Variants in EPAS1 observed in about 807,000 individuals in gnomAD.
EPAS1 encodes the protein endothelial PAS domain-containing protein 1.
A neutral mutation model predicts 87.9 loss-of-function variants in EPAS1; 23 were observed. The observed-to-expected ratio is 0.26, with a 90% CI of 0.19 to 0.37. The LOEUF (loss-of-function observed/expected upper bound fraction) is 0.37, where lower values mean the gene tolerates loss of function less well. Ranked by LOEUF, EPAS1 falls within the 10% of genes least tolerant of loss-of-function variation. EPAS1 has a pLI of 1.00. For synonymous variants in EPAS1, 508 were observed against 444.3 expected (o/e 1.14, Z -1.80); for missense variants, 1,138 against 1,120.7 (o/e 1.02, Z -0.22).
intron 11 of EPAS1, chr2:46,379,696 G>GTCCAATAGA (rs1684841730): frequency 5.0e-5 from 9 of 180,208 alleles, no homozygotes; most frequent in Admixed American, 1.1e-4. Context: ...AGTATCTGCT[G>GTCCAATAGA]ATTGGAACCA....
At position 46,347,272 on chromosome 2, in the gene EPAS1, AG is replaced by A. The variant is rs1684050630; in HGVS notation, c.217+212del. Reference sequence around the variant, plus strand: ...TTACCGTGAATCCAGCTGTGAGAGGAGGGCAGGGACAGGACCAGGGAAGAAC... The same window carrying A: ...TTACCGTGAATCCAGCTGTGAGAGGAGGCAGGGACAGGACCAGGGAAGAAC... On this transcript the variant is annotated intron_variant, in intron 2 of 15. Coordinates refer to ENST00000263734, the MANE Select transcript of EPAS1 (RefSeq NM_001430.5). This position sits in a 1 kb window ranked among gnomAD's most constrained non-coding sequence, Gnocchi z 4.2. The A allele has an allele frequency of 1.5e-6, 1 of 649,794 alleles. No homozygotes were observed. Among genetic ancestry groups the A allele is most frequent in the South Asian group, 1.8e-5 (1 of 55,756 alleles). The allele number at this position is 649,794 out of a possible 1,614,324, so 40.3% of individuals were successfully genotyped here. A position where few individuals can be genotyped will look rare whatever the true frequency, so the allele number is the denominator to read the frequency against.
Position 46,375,864 on chromosome 2 carries a change from T to C in EPAS1, c.1034+27T>C, listed in dbSNP as rs776966292. The C allele has an allele frequency of 3.0e-5, 48 of 1,613,812 alleles. No individual in the cohort carries two copies. The highest frequency in any genetic ancestry group is 3.4e-5 in the Non-Finnish European group (40 of 1,179,998). On this transcript the variant is annotated intron_variant, in intron 8 of 15. Transcript: ENST00000263734. This position sits in a 1 kb window ranked among gnomAD's most constrained non-coding sequence, Gnocchi z 4.1. ...TAAGCATGTGAGGGCTGGCGGGCCTTGGTGCAGGGTATGTGGGGGTGCCCA... is the reference window on the plus strand; with the variant it reads ...TAAGCATGTGAGGGCTGGCGGGCCTCGGTGCAGGGTATGTGGGGGTGCCCA...
rs115829661 is a variant in EPAS1 at position 46,309,056 on chromosome 2, G to A, written c.26+11119G>A. Among the ~76,000 whole-genome samples the A allele has an allele frequency of 9.1e-3, 1,382 of 152,346 alleles. 31 individuals are homozygous for A. Among genetic ancestry groups the A allele is most frequent in the South Asian group, 0.059 (286 of 4,826 alleles). ...TTCCTGTTCTTTTTTCCCCACAGAA[G>A]TCAGAATAGAGGTCTCTTGAGGTGC... On this transcript the variant is annotated intron_variant, in intron 1 of 15. Coordinates refer to ENST00000263734, the MANE Select transcript of EPAS1 (RefSeq NM_001430.5).
Position 46,380,305 on chromosome 2 carries a change from A to C in EPAS1, c.1633A>C (p.Ile545Leu). ...MDGEDFQLSP[I>L]CPEERLLAEN... ...CGGGGAAGACTTCCAGCTAAGCCCC[A>C]TCTGCCCCGAGGAGCGGCTCTTGGC... The change falls in exon 12 of 16, where the codon ATC becomes CTC. Residue 545 changes from isoleucine (I) to leucine (L), a missense_variant. Around this residue, in one of 4 missense-constraint regions of EPAS1, gnomAD observed 502 missense variants for 427.1 expected, o/e 1.18. Transcript: ENST00000263734. This position sits in a 1 kb window ranked among gnomAD's most constrained non-coding sequence, Gnocchi z 4.4. The C allele has an allele frequency of 6.2e-7, 1 of 1,614,066 alleles. No individual in the cohort carries two copies. Among genetic ancestry groups the C allele is most frequent in the Admixed American group, 1.7e-5 (1 of 60,016 alleles).
At chr2:46,363,267 T>A (rs1016668788) in intron 6 of EPAS1, among the ~76,000 whole-genome samples, 2 of 152,076 alleles carry the variant, frequency 1.3e-5, no homozygotes, top group African/African-American at 4.8e-5. Flanking sequence ...CCTGGGAGCA[T>A]ATATAGTGCT....
At chr2:46,369,991 T>A in intron 7 of EPAS1, 58 bp downstream of exon 7, 2 of 1,320,388 alleles carry the variant, frequency 1.5e-6, no homozygotes, top group Middle Eastern at 2.1e-4. Flanking sequence ...TGGCCTTGAG[T>A]GGGGTGTGAC....
intron 15 of EPAS1, among the ~76,000 whole-genome samples, chr2:46,382,964 G>C (rs1684935034): frequency 6.6e-6 from 1 of 152,220 alleles, no homozygotes. Flanking sequence ...TCAGAAGAAA[G>C]AGCAGGCGGC....
intron 1 of EPAS1, among the ~76,000 whole-genome samples, chr2:46,301,150 C>T (rs182977638): frequency 1.3e-5 from 2 of 152,148 alleles, no homozygotes; most frequent in African/African-American, 4.8e-5. Flanking sequence ...TTCAGTGGTG[C>T]TTATAGGGAG....
At chr2:46,341,541 A>G (rs73926263) in intron 1 of EPAS1, among the ~76,000 whole-genome samples, 2,071 of 152,282 alleles carry the variant, frequency 0.014, 44 homozygotes, top group African/African-American at 0.045. Context: ...CCCTCTTCCT[A>G]TTAGCCATAG....
chr2:46,381,314 A>G, intron 12 of EPAS1: 2 of 489,030 alleles, frequency 4.1e-6, no homozygotes, highest in Non-Finnish European at 7.5e-6. Context: ...GGCAGAGGAG[A>G]GACATGGGCA....
chr2:46,329,941 A>G (rs1462366204), intron 1 of EPAS1, among the ~76,000 whole-genome samples: 2 of 152,164 alleles, frequency 1.3e-5, no homozygotes, highest in South Asian at 2.1e-4. Flanking sequence ...TTCCCCAACT[A>G]TTGCCTCACA....
In EPAS1 at chr2:46,297,677, C is replaced by G; in HGVS notation, c.-235C>G. The G allele has an allele frequency of 1.8e-6, 1 of 560,444 alleles. No homozygotes were observed. The allele number at this position is 560,444 out of a possible 1,614,324, so 34.7% of individuals were successfully genotyped here. A position where few individuals can be genotyped will look rare whatever the true frequency, so the allele number is the denominator to read the frequency against. On this transcript the variant is annotated 5_prime_UTR_variant, in exon 1 of 16. Transcript: ENST00000263734. Reference sequence around the variant, plus strand: ...TGACAGCCTCCACCCACTCCTTCCCCGGACCCCGCCTCCGCGCGCAGGTTC... The same window carrying G: ...TGACAGCCTCCACCCACTCCTTCCCGGGACCCCGCCTCCGCGCGCAGGTTC...
intron 1 of EPAS1, among the ~76,000 whole-genome samples, chr2:46,327,972 C>CG (rs377455079): frequency 9.2e-5 from 14 of 152,032 alleles, no homozygotes; most frequent in African/African-American, 3.1e-4. Context: ...AACCTACCTC[C>CG]GGGGGGGCTA....
At chr2:46,327,331 G>A (rs1008442403) in intron 1 of EPAS1, among the ~76,000 whole-genome samples, 1 of 152,194 alleles carries the variant, frequency 6.6e-6, no homozygotes, top group African/African-American at 2.4e-5. Flanking sequence ...TTAATATACA[G>A]GAGAGTATTA....
Position 46,347,157 on chromosome 2 carries a change from G to T in EPAS1, c.217+94G>T. On this transcript the variant is annotated intron_variant, in intron 2 of 15. Transcript: ENST00000263734. The surrounding 1 kb of genome is among the most constrained non-coding windows in gnomAD (Gnocchi z 4.2). Reference sequence around the variant, plus strand: ...ACCCTTCTGCTGCCAGAGCTGGAAAGTCACCCCACTACAGAACTTTCACCC... The same window carrying T: ...ACCCTTCTGCTGCCAGAGCTGGAAATTCACCCCACTACAGAACTTTCACCC... 7.0e-7 allele frequency: 1 copy of T among 1,422,190 alleles called. No homozygotes were observed. Among genetic ancestry groups the T allele is most frequent in the Non-Finnish European group, 9.9e-7 (1 of 1,009,030 alleles). The allele number at this position is 1,422,190 out of a possible 1,614,324, so 88.1% of individuals were successfully genotyped here.
chr2:46,349,680 A>G (rs1288623896), intron 2 of EPAS1, among the ~76,000 whole-genome samples: 1 of 152,282 alleles, frequency 6.6e-6, no homozygotes, highest in Non-Finnish European at 1.5e-5. Flanking sequence ...AAACGAGCAC[A>G]GCCCAGGGAG....
chr2:46,319,721 T>G (rs1339510550), intron 1 of EPAS1, among the ~76,000 whole-genome samples: 1 of 152,230 alleles, frequency 6.6e-6, no homozygotes, highest in Non-Finnish European at 1.5e-5. Flanking sequence ...CGGTATTTGC[T>G]TATTTTCTTT....
At chr2:46,333,025 G>A (rs1401711219) in intron 1 of EPAS1, among the ~76,000 whole-genome samples, 1 of 152,190 alleles carries the variant, frequency 6.6e-6, no homozygotes, top group Non-Finnish European at 1.5e-5. Context: ...TGGACAGCGG[G>A]CACAGCCAGC....
intron 1 of EPAS1, among the ~76,000 whole-genome samples, chr2:46,344,068 ATAT>A (rs572585871): frequency 8.5e-4 from 129 of 152,382 alleles, no homozygotes; most frequent in African/African-American, 3.0e-3. Flanking sequence ...GGCAAATGAC[ATAT>A]TATTTCTGAG....
Sources: gnomAD v4.1 joint callset for allele counts (sites outside exome capture counted in the v4.1 genomes callset) on GRCh38, gnomAD v4.1.1 for gene constraint, gnomAD v4.1.1 regional missense constraint, Gnocchi (gnomAD v3.1) non-coding constraint, MANE v1.5 for transcripts, NCBI Gene and HGNC (gene_info 2026-07-23, HGNC 2026-07-21) for gene names.